The following GRM7 variants were observed in gnomAD, a reference collection of about 807,000 sequenced individuals.
GRM7 encodes the protein glutamate metabotropic receptor 7.
In GRM7, 35 loss-of-function variants were observed where a neutral mutation model predicts 84.5. That is an observed-to-expected ratio of 0.41 (90% CI 0.32 to 0.55). GRM7 has a LOEUF of 0.55. Among genes scored for constraint, GRM7 ranks in the 20% least tolerant of loss-of-function variants. The probability of loss-of-function intolerance (pLI) is 0.19; values close to 1 mark genes in which losing one functional copy is unlikely to be tolerated. For synonymous variants in GRM7, 487 were observed against 455.1 expected (o/e 1.07, Z -0.89); for missense variants, 1,003 against 1,194.6 (o/e 0.84, Z 2.36).
chr3:7,051,336 T>C (rs1384650462), intron 1 of GRM7, among the ~76,000 whole-genome samples: 1 of 151,770 alleles, frequency 6.6e-6, no homozygotes, highest in East Asian at 1.9e-4. Context: ...GGATGTCTAA[T>C]GACTAGAAGA....
chr3:7,045,758 T>C (rs1255120934), intron 1 of GRM7, among the ~76,000 whole-genome samples: 1 of 152,158 alleles, frequency 6.6e-6, no homozygotes, highest in Non-Finnish European at 1.5e-5. Context: ...TTTGTGTATG[T>C]CATATTTTCA....
chr3:7,566,803 G>T (rs899569964), intron 7 of GRM7, among the ~76,000 whole-genome samples: 2 of 150,892 alleles, frequency 1.3e-5, no homozygotes, highest in Non-Finnish European at 3.0e-5. Context: ...CTTCCAGGGG[G>T]AAAAAAAAAA....
intron 1 of GRM7, among the ~76,000 whole-genome samples, chr3:7,033,579 A>G (rs571953548): frequency 1.3e-5 from 2 of 152,282 alleles, no homozygotes; most frequent in East Asian, 3.9e-4. Flanking sequence ...CTAGCCACTT[A>G]CAAAATGTTT....
At chr3:7,266,857 C>T (rs1365168426) in intron 2 of GRM7, among the ~76,000 whole-genome samples, 1 of 152,146 alleles carries the variant, frequency 6.6e-6, no homozygotes, top group Non-Finnish European at 1.5e-5. Flanking sequence ...CAAGTATTCT[C>T]AAATAAGTTT....
At chr3:7,713,125 T>G (rs1325580094) in intron 9 of GRM7, among the ~76,000 whole-genome samples, 2 of 9,762 alleles carry the variant, frequency 2.0e-4, no homozygotes, top group Admixed American at 2.0e-3. Flanking sequence ...TTTTGTTTTG[T>G]TTTTTTTTTT....
At chr3:7,176,102 G>A (rs759591802) in intron 2 of GRM7, among the ~76,000 whole-genome samples, 5 of 151,790 alleles carry the variant, frequency 3.3e-5, no homozygotes, top group Non-Finnish European at 7.4e-5. Context: ...AGAGAGCTAC[G>A]TTTACATTTG....
intron 2 of GRM7, among the ~76,000 whole-genome samples, chr3:7,244,841 A>C (rs1697697311): frequency 6.6e-6 from 1 of 152,240 alleles, no homozygotes; most frequent in South Asian, 2.1e-4. Context: ...CTATAGAAGC[A>C]AACCAAGATA....
chr3:6,974,114 G>A (rs191086685), intron 1 of GRM7, among the ~76,000 whole-genome samples: 253 of 152,266 alleles, frequency 1.7e-3, no homozygotes, highest in Non-Finnish European at 2.9e-3. Flanking sequence ...TACCAAGAGA[G>A]AGGATGCAAA....
At chr3:7,112,180 G>A (rs763659607) in intron 1 of GRM7, among the ~76,000 whole-genome samples, 2 of 151,952 alleles carry the variant, frequency 1.3e-5, no homozygotes, top group Admixed American at 6.6e-5. Context: ...TTATGAGAGA[G>A]GGTATGTTTT....
intron 7 of GRM7, among the ~76,000 whole-genome samples, chr3:7,569,223 C>T (rs532211176): frequency 6.6e-6 from 1 of 152,274 alleles, no homozygotes; most frequent in Non-Finnish European, 1.5e-5. Context: ...TATCTAACTA[C>T]TCTGGTGGGG....
rs538784838 is a variant in GRM7 at position 7,151,151 on chromosome 3, A to C, written c.736+4483A>C. Among the ~76,000 whole-genome samples the C allele has an allele frequency of 3.8e-4, 37 of 98,566 alleles. No individual in the cohort carries two copies. The highest frequency in any genetic ancestry group is 2.2e-3 in the African/African-American group (35 of 15,916). The allele number at this position is 98,566 out of a possible 152,430, so 64.7% of individuals were successfully genotyped here. On this transcript the variant is annotated intron_variant, in intron 2 of 9. Coordinates refer to ENST00000357716, the MANE Select transcript of GRM7 (RefSeq NM_000844.4). The surrounding 1 kb of genome is among the most constrained non-coding windows in gnomAD (Gnocchi z 4.5). ...TTTAATTAATACTTTATCATAGCCT[A>C]GCATATTTTTTTCCTAAAATACTTA... is the stretch of plus-strand genomic sequence containing the variant.
intron 2 of GRM7, among the ~76,000 whole-genome samples, chr3:7,224,739 T>C (rs1696927334): frequency 1.3e-5 from 2 of 152,238 alleles, no homozygotes; most frequent in South Asian, 4.1e-4. Flanking sequence ...AGAACCGTTC[T>C]GTCTCTTTAT....
At chr3:6,949,383 C>A (rs923035015) in intron 1 of GRM7, among the ~76,000 whole-genome samples, 3 of 151,988 alleles carry the variant, frequency 2.0e-5, no homozygotes, top group Non-Finnish European at 4.4e-5. Flanking sequence ...GAATATTGGC[C>A]CCCACTCTCT....
intron 8 of GRM7, among the ~76,000 whole-genome samples, chr3:7,669,693 T>G (rs536390365): frequency 6.6e-6 from 1 of 152,184 alleles, no homozygotes; most frequent in African/African-American, 2.4e-5. Flanking sequence ...AAATAGGACT[T>G]TTTAGATCCC....
chr3:7,703,002 C>T (rs188629220), intron 9 of GRM7, among the ~76,000 whole-genome samples: 42 of 152,190 alleles, frequency 2.8e-4, no homozygotes, highest in African/African-American at 9.9e-4. Flanking sequence ...GTACTGACTG[C>T]TCATCTGAAT....
chr3:7,512,913 T>C (rs933641456), intron 7 of GRM7, among the ~76,000 whole-genome samples: 5 of 152,102 alleles, frequency 3.3e-5, no homozygotes, highest in Admixed American at 3.3e-4. Flanking sequence ...GTTTTAAAAA[T>C]TCATCAACAT....
intron 1 of GRM7, among the ~76,000 whole-genome samples, chr3:7,038,638 T>G (rs1499152): frequency 0.036 from 5,537 of 152,264 alleles, 360 homozygotes; most frequent in African/African-American, 0.13. Flanking sequence ...CATCATGATG[T>G]GTTCTGCAAT....
At chr3:7,547,665 A>G (rs1693230477) in intron 7 of GRM7, among the ~76,000 whole-genome samples, 2 of 152,180 alleles carry the variant, frequency 1.3e-5, no homozygotes, top group East Asian at 3.9e-4. Context: ...ATTTTTAAAG[A>G]TCCCCAGATA....
At chr3:7,473,493 AGAGAG>A (rs1698792746) in intron 7 of GRM7, among the ~76,000 whole-genome samples, 4 of 63,516 alleles carry the variant, frequency 6.3e-5, no homozygotes, top group Middle Eastern at 7.6e-3. Flanking sequence ...CGAGAGGGAG[AGAGAG>A]AGAGAGAGAG....
Sources: gnomAD v4.1 joint callset for allele counts (sites outside exome capture counted in the v4.1 genomes callset) on GRCh38, gnomAD v4.1.1 for gene constraint, Gnocchi (gnomAD v3.1) non-coding constraint, MANE v1.5 for transcripts, NCBI Gene and HGNC (gene_info 2026-07-23, HGNC 2026-07-21) for gene names.